Variants in MAF observed in about 807,000 individuals in gnomAD.
MAF encodes the protein transcription factor Maf.
Under a neutral mutation model 22.0 loss-of-function variants are expected in MAF, and 10 were observed. The ratio of observed to expected loss-of-function variants is 0.45; its 90% confidence interval spans 0.28 to 0.77. The LOEUF (loss-of-function observed/expected upper bound fraction) is 0.77, where lower values mean the gene tolerates loss of function less well. Among genes scored for constraint, MAF ranks in the 30% least tolerant of loss-of-function variants. The pLI, the probability that MAF is intolerant of heterozygous loss-of-function variation, is 0.12. For missense variants in MAF, 544 were observed against 548.4 expected (o/e 0.99, Z 0.08); for synonymous variants, 337 against 255.8 (o/e 1.32, Z -3.03).
At chr16:79,539,714 G>C in the MAF span, among the ~76,000 whole-genome samples, 1 of 152,118 alleles carries the variant, frequency 6.6e-6, no homozygotes, top group Non-Finnish European at 1.5e-5. Flanking sequence ...CATTCATAAA[G>C]TATAATATTC....
chr16:79,294,398 C>T, the MAF span, among the ~76,000 whole-genome samples: 1 of 152,174 alleles, frequency 6.6e-6, no homozygotes, highest in Admixed American at 6.5e-5. Context: ...TCCTTCAAGA[C>T]AAGCTCTTGA....
the MAF span, among the ~76,000 whole-genome samples, chr16:79,355,079 C>T: frequency 2.6e-5 from 4 of 152,036 alleles, no homozygotes; most frequent in East Asian, 3.9e-4. Context: ...ATTAGTTTTT[C>T]CCCCTCATCT....
chr16:79,385,371 T>G, the MAF span, among the ~76,000 whole-genome samples: 10 of 152,220 alleles, frequency 6.6e-5, no homozygotes, highest in Admixed American at 4.6e-4. Context: ...TCTGCCCGAG[T>G]GAGGGTTTAA....
At chr16:79,215,696 C>T in the MAF span, among the ~76,000 whole-genome samples, 1 of 152,058 alleles carries the variant, frequency 6.6e-6, no homozygotes, top group South Asian at 2.1e-4. Context: ...TCATATAGAC[C>T]AAGGCTTCAT....
the MAF span, among the ~76,000 whole-genome samples, chr16:79,519,283 G>T: frequency 2.6e-5 from 4 of 152,136 alleles, no homozygotes; most frequent in Non-Finnish European, 4.4e-5. Flanking sequence ...TGAAGATAAT[G>T]GAACCCCATG....
At chr16:79,209,667 C>A in the MAF span, among the ~76,000 whole-genome samples, 1 of 152,172 alleles carries the variant, frequency 6.6e-6, no homozygotes, top group Non-Finnish European at 1.5e-5. Flanking sequence ...AACACCATCT[C>A]CACCAGAACT....
chr16:79,581,623 CT>C (rs1310572689), downstream of MAF, among the ~76,000 whole-genome samples: 1 of 152,174 alleles, frequency 6.6e-6, no homozygotes, highest in East Asian at 1.9e-4. Context: ...ACTTACTGTG[CT>C]TTTCAATAGA....
the MAF span, among the ~76,000 whole-genome samples, chr16:79,459,673 G>A: frequency 1.3e-5 from 2 of 151,788 alleles, no homozygotes; most frequent in Non-Finnish European, 2.9e-5. Context: ...CCTGGGCTCA[G>A]GTGATTCTCC....
chr16:79,422,171 C>T, the MAF span, among the ~76,000 whole-genome samples: 1 of 152,156 alleles, frequency 6.6e-6, no homozygotes. Context: ...GAAGCCTGAG[C>T]TGATGTGTTA....
the MAF span, among the ~76,000 whole-genome samples, chr16:79,267,249 G>A: frequency 1.3e-5 from 2 of 152,156 alleles, no homozygotes; most frequent in African/African-American, 2.4e-5. Flanking sequence ...ATGTGGTGGG[G>A]TATTGTGCCC....
At chr16:79,467,763 T>C in the MAF span, among the ~76,000 whole-genome samples, 1 of 152,154 alleles carries the variant, frequency 6.6e-6, no homozygotes, top group Non-Finnish European at 1.5e-5. Context: ...CTCAAGTTTG[T>C]GAACCACTGC....
the MAF span, among the ~76,000 whole-genome samples, chr16:79,437,686 C>G: frequency 1.3e-5 from 2 of 152,066 alleles, no homozygotes; most frequent in Non-Finnish European, 2.9e-5. Flanking sequence ...TCTGAAAACC[C>G]TGGCATTACT....
the MAF span, among the ~76,000 whole-genome samples, chr16:79,458,575 A>G: frequency 6.6e-6 from 1 of 152,310 alleles, no homozygotes; most frequent in Middle Eastern, 3.4e-3. Context: ...CAGCTCATGG[A>G]GGTGGAAGAG....
chr16:79,246,362 G>C, the MAF span, among the ~76,000 whole-genome samples: 1 of 152,058 alleles, frequency 6.6e-6, no homozygotes, highest in Non-Finnish European at 1.5e-5. Context: ...CTCATTGCTT[G>C]AACATATCTC....
chr16:79,401,593 A>G, the MAF span, among the ~76,000 whole-genome samples: 1 of 152,186 alleles, frequency 6.6e-6, no homozygotes, highest in East Asian at 1.9e-4. Flanking sequence ...GTGGAAATGT[A>G]CTCATGAACT....
the MAF span, among the ~76,000 whole-genome samples, chr16:79,435,581 CT>C: frequency 6.6e-6 from 1 of 152,178 alleles, no homozygotes; most frequent in African/African-American, 2.4e-5. Context: ...CAAGGGGAAA[CT>C]GAGGCTCAGG....
the MAF span, among the ~76,000 whole-genome samples, chr16:79,522,260 TC>T: frequency 6.6e-6 from 1 of 152,314 alleles, no homozygotes; most frequent in African/African-American, 2.4e-5. Flanking sequence ...AGCTCTCAGC[TC>T]CCCTGGGATA....
At chr16:79,505,399 C>A in the MAF span, among the ~76,000 whole-genome samples, 1 of 152,130 alleles carries the variant, frequency 6.6e-6, no homozygotes, top group Non-Finnish European at 1.5e-5. Flanking sequence ...TTGTCCTTGT[C>A]CCTCAGTCAC....
chr16:79,293,231 G>T, the MAF span, among the ~76,000 whole-genome samples: 1 of 152,016 alleles, frequency 6.6e-6, no homozygotes, highest in South Asian at 2.1e-4. Flanking sequence ...CCAACTCCTG[G>T]GGTGTCCCAG....
Sources: gnomAD v4.1 joint callset for allele counts (sites outside exome capture counted in the v4.1 genomes callset) on GRCh38, gnomAD v4.1.1 for gene constraint, MANE v1.5 for transcripts, NCBI Gene and HGNC (gene_info 2026-07-23, HGNC 2026-07-21) for gene names.